PCDHA1: variants seen among roughly 807,000 people sequenced by gnomAD.
The protein encoded by PCDHA1 is protocadherin alpha 1, also known as protocadherin alpha-1.
Under a neutral mutation model 61.3 loss-of-function variants are expected in PCDHA1, and 42 were observed. The ratio of observed to expected loss-of-function variants is 0.69; its 90% confidence interval spans 0.54 to 0.89. The LOEUF (loss-of-function observed/expected upper bound fraction) is 0.89. Among genes scored for constraint, PCDHA1 ranks in the 40% least tolerant of loss-of-function variants. The pLI, the probability that PCDHA1 is intolerant of heterozygous loss-of-function variation, is 0.00. For missense variants in PCDHA1, 1,256 were observed against 1,235.3 expected, an observed-to-expected ratio of 1.02 and a Z score of -0.25; for synonymous variants, 610 against 553.8, an observed-to-expected ratio of 1.10 and a Z score of -1.43.
intron 1 of PCDHA1, chr5:140,822,558 TA>T: frequency 1.9e-6 from 3 of 1,613,478 alleles, no homozygotes; most frequent in Non-Finnish European, 2.5e-6. Context: ...CATTAGTTAT[TA>T]AACTGAACGC....
At chr5:140,939,351 T>C (rs918440257) in intron 1 of PCDHA1, among the ~76,000 whole-genome samples, 2 of 152,140 alleles carry the variant, frequency 1.3e-5, no homozygotes, top group Non-Finnish European at 1.5e-5. Flanking sequence ...TTTCAACTTA[T>C]GATTGCAAAG....
chr5:140,793,333 T>C (rs13184940), intron 1 of PCDHA1, among the ~76,000 whole-genome samples: 78,437 of 152,084 alleles, frequency 0.52, 20,425 homozygotes, highest in Middle Eastern at 0.64. Context: ...TTTCCATGTA[T>C]GAGTCAGTAC....
chr5:140,789,389 T>C (rs781941575), intron 1 of PCDHA1, among the ~76,000 whole-genome samples: 2 of 151,778 alleles, frequency 1.3e-5, no homozygotes, highest in Non-Finnish European at 2.9e-5. Flanking sequence ...GAGGCAGAGG[T>C]TGTAGTGAAC....
At position 140,836,025 on chromosome 5, in the gene PCDHA1, A is replaced by G. The variant is rs2150250973; in HGVS notation, c.2394+47341A>G. 6 of 1,613,528 alleles carry G rather than the reference A, an allele frequency of 3.7e-6. 1 individual carries two copies. In the South Asian group the frequency reaches 5.5e-5, roughly 15 times the overall value. Reference sequence around the variant, plus strand: ...TGCGGGCGTGCCGCCTCTGGGCAGCAACGTGACGCTGCAGGTGTTCGTGCT... The same window carrying G: ...TGCGGGCGTGCCGCCTCTGGGCAGCGACGTGACGCTGCAGGTGTTCGTGCT... On this transcript the variant is annotated intron_variant, in intron 1 of 3. Coordinates refer to ENST00000504120, the MANE Select transcript of PCDHA1 (RefSeq NM_018900.4).
Position 140,931,003 on chromosome 5 carries a change from A to G in PCDHA1, c.2395-47946A>G, listed in dbSNP as rs2087240942. On this transcript the variant is annotated intron_variant, in intron 1 of 3. Coordinates refer to ENST00000504120, the MANE Select transcript of PCDHA1 (RefSeq NM_018900.4). The stretch of plus-strand genomic sequence containing the variant: ...CTTCCTCATGACCTACACTAATAAC[A>G]TAACAGAGGAATTTTCTGATTGTAG... Among the ~76,000 whole-genome samples the G allele has an allele frequency of 2.0e-5, 3 of 152,232 alleles. No homozygotes were observed. The South Asian group carries it at 6.2e-4, about 32-fold the overall frequency.
intron 1 of PCDHA1, among the ~76,000 whole-genome samples, chr5:140,944,781 G>T (rs1404959208): frequency 6.6e-6 from 1 of 152,114 alleles, no homozygotes; most frequent in Non-Finnish European, 1.5e-5. Context: ...TCCTGTTATT[G>T]TATTTTACAA....
chr5:141,008,241 C>G (rs1474460463), intron 3 of PCDHA1, among the ~76,000 whole-genome samples: 2 of 152,118 alleles, frequency 1.3e-5, no homozygotes, highest in African/African-American at 2.4e-5. Flanking sequence ...TGCTCAGGGA[C>G]ACCAAATTAG....
intron 1 of PCDHA1, among the ~76,000 whole-genome samples, chr5:140,921,330 C>T (rs1285696901): frequency 6.6e-6 from 1 of 152,026 alleles, no homozygotes; most frequent in Non-Finnish European, 1.5e-5. Flanking sequence ...TCTGTCTGGT[C>T]CAATCACATA....
At chr5:140,789,852 G>A (rs1291239519) in intron 1 of PCDHA1, among the ~76,000 whole-genome samples, 3 of 152,102 alleles carry the variant, frequency 2.0e-5, no homozygotes, top group African/African-American at 4.8e-5. Flanking sequence ...AATTTCCCGA[G>A]GATATCCAAA....
intron 1 of PCDHA1, chr5:140,823,023 C>A (rs148202782): frequency 3.1e-6 from 5 of 1,614,108 alleles, no homozygotes; most frequent in Middle Eastern, 1.6e-4. Context: ...ACCGCGAGAG[C>A]GTGTCGGTCT....
chr5:140,809,147 C>T (rs1554125027), intron 1 of PCDHA1: 4 of 1,613,916 alleles, frequency 2.5e-6, no homozygotes, highest in Non-Finnish European at 2.5e-6. Flanking sequence ...GGTGAAGGAC[C>T]ACGGCGAGCC....
chr5:140,799,868 C>T (rs912181689), intron 1 of PCDHA1, among the ~76,000 whole-genome samples: 2 of 151,902 alleles, frequency 1.3e-5, no homozygotes, highest in East Asian at 1.9e-4. Context: ...TAAATTTGAC[C>T]TCTTTCCATA....
intron 1 of PCDHA1, chr5:140,878,069 T>C: frequency 5.3e-6 from 2 of 379,294 alleles, no homozygotes; most frequent in East Asian, 5.0e-5. Flanking sequence ...ATATTTTTCT[T>C]TTTCTATAAT....
chr5:140,998,495 C>T (rs782386986), intron 3 of PCDHA1, among the ~76,000 whole-genome samples: 17 of 152,170 alleles, frequency 1.1e-4, no homozygotes, highest in Non-Finnish European at 1.9e-4. Context: ...TCTTTGAGAA[C>T]AGGGTACTTG....
chr5:140,925,033 C>G (rs1176042899), intron 1 of PCDHA1, among the ~76,000 whole-genome samples: 1 of 151,334 alleles, frequency 6.6e-6, no homozygotes, highest in Non-Finnish European at 1.5e-5. Flanking sequence ...ATCGCTTGAG[C>G]CCAGAAGTTT....
Position 140,788,536 on chromosome 5 carries a change from C to T in PCDHA1, c.2246C>T (p.Ser749Leu). Residue 749 changes from serine (S) to leucine (L), a missense_variant, in exon 1 of 4, where the codon TCG becomes TTG. Physicochemically the swap from Ser to Leu is moderately radical, Grantham distance 145. Coordinates refer to ENST00000504120, the MANE Select transcript of PCDHA1 (RefSeq NM_018900.4). The part of the protein sequence containing the change: ...LVCSSALGSW[S>L]NSQQRRQRVC... ...TGCTCCAGCGCGTTGGGGAGCTGGT[C>T]GAACTCACAGCAGAGGCGGCAGAGG... The T allele has an allele frequency of 2.5e-6, 4 of 1,614,048 alleles. No homozygotes were observed. Among genetic ancestry groups the T allele is most frequent in the South Asian group, 2.2e-5 (2 of 91,068 alleles).
intron 1 of PCDHA1, chr5:140,852,695 T>G: frequency 1.0e-6 from 1 of 976,386 alleles, no homozygotes; most frequent in Non-Finnish European, 1.2e-6. Context: ...GTCTTATACT[T>G]TCAAGTATCT....
Position 140,849,726 on chromosome 5 carries a change from A to G in PCDHA1, c.2394+61042A>G, listed in dbSNP as rs1554143227. 2.5e-6 allele frequency: 4 copies of G among 1,598,410 alleles called. 1 individual carries two copies. Among genetic ancestry groups the G allele is most frequent in the Non-Finnish European group, 3.4e-6 (4 of 1,168,000 alleles). On this transcript the variant is annotated intron_variant, in intron 1 of 3. Transcript: ENST00000504120. ...GAATTACTACTCGTTGGTGCTGGAC[A>G]GAGCTCTGGACCGCGAGAGTGTGTC...
At chr5:140,917,301 G>T (rs2078005324) in intron 1 of PCDHA1, among the ~76,000 whole-genome samples, 1 of 138,576 alleles carries the variant, frequency 7.2e-6, no homozygotes, top group Non-Finnish European at 1.5e-5. Flanking sequence ...GCAGATAGTT[G>T]TTACAATTTG....
Sources: allele counts gnomAD v4.1 joint callset (sites outside exome capture counted in the v4.1 genomes callset), GRCh38; gene constraint gnomAD v4.1.1; transcripts MANE v1.5; gene names NCBI Gene and HGNC (gene_info 2026-07-23, HGNC 2026-07-21).